THSD4: variants seen among roughly 807,000 people sequenced by gnomAD.
THSD4 encodes the protein thrombospondin type 1 domain containing 4, also known as thrombospondin type-1 domain-containing protein 4.
A neutral mutation model predicts 119.0 loss-of-function variants in THSD4; 69 were observed. The ratio of observed to expected loss-of-function variants is 0.58; its 90% CI spans 0.48 to 0.71. The LOEUF (loss-of-function observed/expected upper bound fraction) is 0.71, where lower values mean the gene tolerates loss of function less well. Ranked by LOEUF, THSD4 falls within the 30% of genes least tolerant of loss-of-function variation. The pLI is 0.00. For missense variants in THSD4, 1,393 were observed against 1,391.1 expected, an observed-to-expected ratio of 1.00 and a Z score of -0.02; for synonymous variants, 524 against 540.4, an observed-to-expected ratio of 0.97 and a Z score of 0.42.
chr15:71,742,106 T>C (rs1359979792), intron 11 of THSD4, among the ~76,000 whole-genome samples: 1 of 152,248 alleles, frequency 6.6e-6, no homozygotes, highest in East Asian at 1.9e-4. Flanking sequence ...ACAGAATAAG[T>C]CTGTTCCCCT....
chr15:71,746,372 C>T (rs55931360), intron 12 of THSD4, among the ~76,000 whole-genome samples: 11,508 of 152,192 alleles, frequency 0.076, 741 homozygotes, highest in East Asian at 0.37. Context: ...TCAGATGACC[C>T]TTAGGCAGAC....
At chr15:71,528,928 T>TTGGAAGATCCTGACTGCTG (rs1240669868) in intron 7 of THSD4, among the ~76,000 whole-genome samples, 1 of 152,232 alleles carries the variant, frequency 6.6e-6, no homozygotes, top group Admixed American at 6.5e-5. Flanking sequence ...ACTCACTTCT[T>TTGGAAGATCCTGACTGCTG]TGGAAGATCC....
intron 7 of THSD4, among the ~76,000 whole-genome samples, chr15:71,456,914 T>G (rs960002715): frequency 1.3e-5 from 2 of 152,158 alleles, no homozygotes; most frequent in African/African-American, 4.8e-5. Context: ...CAAGGAAATA[T>G]CTTAGGGCCA....
chr15:71,354,972 A>G (rs1044398396), intron 6 of THSD4, among the ~76,000 whole-genome samples: 3 of 152,216 alleles, frequency 2.0e-5, no homozygotes, highest in Non-Finnish European at 4.4e-5. Flanking sequence ...TAGTGAATGG[A>G]CAAATCTATT....
intron 7 of THSD4, among the ~76,000 whole-genome samples, chr15:71,518,462 T>C (rs987424695): frequency 3.9e-5 from 6 of 152,216 alleles, no homozygotes; most frequent in African/African-American, 9.6e-5. Flanking sequence ...CTGGGTTTTG[T>C]ACTGCTCCAG....
chr15:71,473,304 C>T (rs576221744), intron 7 of THSD4, among the ~76,000 whole-genome samples: 11 of 152,218 alleles, frequency 7.2e-5, no homozygotes, highest in African/African-American at 2.2e-4. Flanking sequence ...ACAATCCACC[C>T]GCCTCAGCCC....
chr15:71,607,594 G>T (rs1468062909), intron 7 of THSD4, among the ~76,000 whole-genome samples: 1 of 152,230 alleles, frequency 6.6e-6, no homozygotes, highest in African/African-American at 2.4e-5. Flanking sequence ...GCTCAGGAAA[G>T]CACCGGTGTG....
At chr15:71,389,381 A>G (rs2046339932) in intron 6 of THSD4, among the ~76,000 whole-genome samples, 1 of 151,424 alleles carries the variant, frequency 6.6e-6, no homozygotes, top group Non-Finnish European at 1.5e-5. Flanking sequence ...ATCATATGTT[A>G]TTTGTCATTG....
intron 7 of THSD4, among the ~76,000 whole-genome samples, chr15:71,448,022 T>A (rs1000248384): frequency 6.6e-6 from 1 of 152,230 alleles, no homozygotes; most frequent in Non-Finnish European, 1.5e-5. Context: ...TTACTTGACT[T>A]CTGGTTATAT....
At chr15:71,188,438 G>A (rs1008176983) in intron 3 of THSD4, among the ~76,000 whole-genome samples, 1 of 152,130 alleles carries the variant, frequency 6.6e-6, no homozygotes, top group Non-Finnish European at 1.5e-5. Flanking sequence ...AGGCAGGTGA[G>A]GAACTTGTGC....
chr15:71,360,764 T>C (rs906490701), intron 6 of THSD4, among the ~76,000 whole-genome samples: 1 of 152,190 alleles, frequency 6.6e-6, no homozygotes, highest in African/African-American at 2.4e-5. Flanking sequence ...TATTCAAAAT[T>C]GTGTGGTTAA....
At chr15:71,462,285 A>G (rs957581734) in intron 7 of THSD4, among the ~76,000 whole-genome samples, 1 of 152,066 alleles carries the variant, frequency 6.6e-6, no homozygotes, top group Non-Finnish European at 1.5e-5. Context: ...TCAGCCTCTC[A>G]AGTAGCTGAG....
At position 71,506,456 on chromosome 15, in the gene THSD4, C is replaced by G. The variant is rs140371534; in HGVS notation, c.1152+94633C>G. On this transcript the variant is annotated intron_variant, in intron 7 of 17. Transcript: ENST00000261862. Reference sequence around the variant, plus strand: ...TGGCACAGAGACAGTAAATTTGTCTCCAGAGACTGACTCTACCCCGTAAGG... The same window carrying G: ...TGGCACAGAGACAGTAAATTTGTCTGCAGAGACTGACTCTACCCCGTAAGG... Among the ~76,000 whole-genome samples, 522 of 152,268 alleles carry G rather than the reference C, an allele frequency of 3.4e-3. 5 individuals are homozygous for G. The highest frequency in any genetic ancestry group is 0.012 in the African/African-American group (488 of 41,546).
At chr15:71,446,210 T>C (rs73441523) in intron 7 of THSD4, among the ~76,000 whole-genome samples, 187 of 152,330 alleles carry the variant, frequency 1.2e-3, no homozygotes, top group African/African-American at 4.4e-3. Context: ...CTCTCTACTT[T>C]GTTCTTTGTT....
At chr15:71,485,806 A>C (rs2047807192) in intron 7 of THSD4, among the ~76,000 whole-genome samples, 2 of 152,222 alleles carry the variant, frequency 1.3e-5, no homozygotes, top group African/African-American at 4.8e-5. Context: ...GTGGCCGTGT[A>C]TATCAACAGT....
intron 3 of THSD4, among the ~76,000 whole-genome samples, chr15:71,211,879 A>G (rs530158750): frequency 1.2e-3 from 182 of 152,246 alleles, no homozygotes; most frequent in African/African-American, 4.3e-3. Context: ...GTCTCTTACC[A>G]TGATTTATTA....
At position 71,209,561 on chromosome 15, in the gene THSD4, C is replaced by T. The variant is rs549214387; in HGVS notation, c.100-5474C>T. On this transcript the variant is annotated intron_variant, in intron 3 of 17. Coordinates refer to ENST00000261862, the MANE Select transcript of THSD4 (RefSeq NM_024817.3). ...TACCTCTTTCATAGAAGGCTGAAGC[C>T]ATCCAATGTTAACTTCATCTTCCAC... is the stretch of plus-strand genomic sequence containing the variant. Among the ~76,000 whole-genome samples, 42 of 152,302 alleles carry T rather than the reference C, an allele frequency of 2.8e-4. 1 individual carries two copies. Among genetic ancestry groups the T allele is most frequent in the African/African-American group, 1.0e-3 (42 of 41,572 alleles).
intron 8 of THSD4, among the ~76,000 whole-genome samples, chr15:71,712,241 A>G (rs958674057): frequency 6.6e-6 from 1 of 152,256 alleles, no homozygotes; most frequent in Admixed American, 6.5e-5. Context: ...AAAATAACAT[A>G]GGAATGAAAC....
chr15:71,486,510 A>G (rs56853440), intron 7 of THSD4, among the ~76,000 whole-genome samples: 6,360 of 152,160 alleles, frequency 0.042, 445 homozygotes, highest in African/African-American at 0.14. Context: ...AGTGGCATAC[A>G]TGGCTTACCA....
Sources: gnomAD v4.1 joint callset for allele counts (sites outside exome capture counted in the v4.1 genomes callset) on GRCh38, gnomAD v4.1.1 for gene constraint, MANE v1.5 for transcripts, NCBI Gene and HGNC (gene_info 2026-07-23, HGNC 2026-07-21) for gene names.